The following CYTL1 variants were observed in gnomAD, a reference collection of about 807,000 sequenced individuals.
The protein encoded by CYTL1 is cytokine-like protein 1.
CYTL1 carries 17 observed loss-of-function variants against 13.1 expected under a neutral mutation model. That is an observed-to-expected ratio of 1.29 (90% CI 0.89 to 1.94). The LOEUF (loss-of-function observed/expected upper bound fraction) is 1.94. Among genes scored for constraint, CYTL1 ranks in the 30% most tolerant of loss-of-function variants. The pLI, the probability that CYTL1 is intolerant of heterozygous loss-of-function variation, is 0.00. For synonymous variants in CYTL1, 91 were observed against 79.4 expected (o/e 1.15, Z -0.78); for missense variants, 213 against 174.8 (o/e 1.22, Z -1.23).
Position 5,015,222 on chromosome 4 carries a change from G to T in CYTL1, c.340C>A (p.Leu114Met), listed in dbSNP as rs952911381. ...TCCAAGGCATTGCAGTCATCCAACA[G>T]GAATACCAAATCCTGAAAAAGATGT... Reference protein sequence around the residue: ...NSFCRRDLVFLLDDCNALEYP... With the variant: ...NSFCRRDLVFMLDDCNALEYP... The change falls in exon 4 of 4, where the codon CTG (leucine) becomes ATG (methionine). Residue 114 changes from leucine to methionine, a missense_variant. Transcript: ENST00000307746. 1.2e-6 allele frequency: 2 copies of T among 1,612,908 alleles called. No homozygotes were observed. Among genetic ancestry groups the T allele is most frequent in the African/African-American group, 2.7e-5 (2 of 74,910 alleles).
chr4:5,018,108 C>A (rs1445218643), intron 1 of CYTL1, among the ~76,000 whole-genome samples: 1 of 152,106 alleles, frequency 6.6e-6, no homozygotes. Context: ...TGAAACTGTA[C>A]AACAAAATGT....
intron 3 of CYTL1, among the ~76,000 whole-genome samples, chr4:5,016,002 G>C (rs1741064751): frequency 1.3e-5 from 2 of 152,332 alleles, no homozygotes; most frequent in South Asian, 4.1e-4. Context: ...TTATGTGTTG[G>C]AAACTTAATC....
In CYTL1 at chr4:5,019,294, G is replaced by C. The variant is rs35755546; in HGVS notation, c.152C>G (p.Ser51Trp). ...DFNLLQVSEP[S>W]EPCVRYLPRL... ...GTCCTGAGCGGGCGGGGGACTCACC[G>C]AGGGCTCCGAGACCTGCAGGAGGTT... The change falls in exon 1 of 4, where the codon TCG (serine) becomes TGG (tryptophan). Residue 51 changes from serine (S) to tryptophan (W), a missense_variant and splice_region_variant. Ser to Trp is a radical substitution (Grantham distance 177). Coordinates refer to ENST00000307746, the MANE Select transcript of CYTL1 (RefSeq NM_018659.3). 4.0e-6 allele frequency: 6 copies of C among 1,486,290 alleles called. No individual in the cohort carries two copies. The highest frequency in any genetic ancestry group is 1.5e-5 in the African/African-American group (1 of 67,850). The allele number at this position is 1,486,290 out of a possible 1,614,324, so 92.1% of individuals were successfully genotyped here.
intron 1 of CYTL1, among the ~76,000 whole-genome samples, chr4:5,018,996 C>CTTTTTTCTTTTTTTTTTTTTTTTTTT (rs1741135908): frequency 9.4e-6 from 1 of 106,688 alleles, no homozygotes; most frequent in African/African-American, 3.7e-5. Context: ...CTTTTTTTTT[C>CTTTTTTCTTTTTTTTTTTTTTTTTTT]TTTTTTCTTT....
intron 3 of CYTL1, among the ~76,000 whole-genome samples, chr4:5,016,578 C>T (rs892022538): frequency 1.3e-5 from 2 of 152,212 alleles, no homozygotes; most frequent in African/African-American, 4.8e-5. Context: ...CAGAGTCTAT[C>T]TATGTGGCTG....
chr4:5,015,129 T>C lies in CYTL1; in HGVS notation c.*22A>G. Reference sequence around the variant, plus strand: ...TGACATAACTGTAGTTCTCTTGGGTTCTTTCTCTGGTCTCAGTTCCCTTAG... The same window carrying C: ...TGACATAACTGTAGTTCTCTTGGGTCCTTTCTCTGGTCTCAGTTCCCTTAG... On this transcript the variant is annotated 3_prime_UTR_variant, in exon 4 of 4. Transcript: ENST00000307746. 1 of 1,608,524 alleles carries C rather than the reference T, an allele frequency of 6.2e-7. No homozygotes were observed. Among genetic ancestry groups the C allele is most frequent in the African/African-American group, 1.3e-5 (1 of 74,958 alleles).
chr4:5,017,624 ATATACT>A (rs1227545531), intron 1 of CYTL1, among the ~76,000 whole-genome samples: 4 of 150,192 alleles, frequency 2.7e-5, no homozygotes, highest in East Asian at 3.9e-4. Context: ...TTATATAATA[ATATACT>A]TATATAATAA....
chr4:5,017,855 G>A (rs573459895), intron 1 of CYTL1, among the ~76,000 whole-genome samples: 171 of 152,156 alleles, frequency 1.1e-3, no homozygotes, highest in African/African-American at 3.8e-3. Flanking sequence ...CCGTTTTTGC[G>A]CAGGGCTGAA....
Position 5,015,236 on chromosome 4 carries a change from T to A in CYTL1, c.328-2A>T, listed in dbSNP as rs778419855. 2 of 1,611,388 alleles carry A rather than the reference T, an allele frequency of 1.2e-6. No homozygotes were observed. The highest frequency in any genetic ancestry group is 1.3e-5 in the African/African-American group (1 of 75,024). On this transcript the variant is annotated splice_acceptor_variant, in intron 3 of 3. Transcript: ENST00000307746. LOFTEE classifies it high-confidence loss of function. ...GTCATCCAACAGGAATACCAAATCC[T>A]GAAAAAGATGTGCAATGAGCAGGAA...
At chr4:5,019,102 T>C (rs867214600) in intron 1 of CYTL1, among the ~76,000 whole-genome samples, 191 bp downstream of exon 1, 1 of 151,762 alleles carries the variant, frequency 6.6e-6, no homozygotes, top group Non-Finnish European at 1.5e-5. Flanking sequence ...TTCTTGTGTT[T>C]TGAAGAAAGC....
Position 5,017,171 on chromosome 4 carries a change from A to G in CYTL1, c.162T>C (p.Cys54=). 3 of 1,613,982 alleles carry G rather than the reference A, an allele frequency of 1.9e-6. No individual in the cohort carries two copies. Among genetic ancestry groups the G allele is most frequent in the Non-Finnish European group, 2.5e-6 (3 of 1,179,918 alleles). ...GGTACAGCCTGGGCAGGTATCTCAC[A>G]CATGGCTCCTGTGGAAAGGGATAAG... ...LLQVSEPSEP[C]VRYLPRLYLD... Residue 54 remains cysteine, a synonymous_variant, in exon 2 of 4, where the codon TGT becomes TGC. Transcript: ENST00000307746.
chr4:5,018,286 G>A (rs924504386), intron 1 of CYTL1, among the ~76,000 whole-genome samples: 30 of 152,050 alleles, frequency 2.0e-4, no homozygotes, highest in African/African-American at 6.8e-4. Context: ...ACAATGCTAC[G>A]GCAGCAGCTA....
At chr4:5,016,459 A>G (rs983259130) in intron 3 of CYTL1, among the ~76,000 whole-genome samples, 6 of 151,994 alleles carry the variant, frequency 3.9e-5, no homozygotes, top group African/African-American at 1.2e-4. Flanking sequence ...CATTTTAACT[A>G]TTGCTGATTT....
rs1741149089 is a variant in CYTL1 at position 5,019,387 on chromosome 4, G to A, written c.59C>T (p.Ala20Val). The A allele has an allele frequency of 6.7e-7, 1 of 1,497,044 alleles. No individual in the cohort carries two copies. Among genetic ancestry groups the A allele is most frequent in the Non-Finnish European group, 8.8e-7 (1 of 1,131,304 alleles). 92.7% of individuals were successfully genotyped at this position (1,497,044 alleles called of 1,614,324 possible). A position where few individuals can be genotyped will look rare whatever the true frequency, so the allele number is the denominator to read the frequency against. ...GTAGCAGGTCGGGGGAGTGGGCCGC[G>A]CGGCGGGGGCTCCCGCCAGGAGCAG... Reference protein sequence around the residue: ...LLLLLAGAPAARPTPPTCYSR... With the variant: ...LLLLLAGAPAVRPTPPTCYSR... Residue 20 changes from alanine to valine, a missense_variant, in exon 1 of 4, where the codon GCG becomes GTG. Ala to Val is a moderately conservative substitution (Grantham distance 64). Coordinates refer to ENST00000307746, the MANE Select transcript of CYTL1 (RefSeq NM_018659.3).
In CYTL1 at chr4:5,015,235, C is replaced by G; in HGVS notation, c.328-1G>C. On this transcript the variant is annotated splice_acceptor_variant, in intron 3 of 3. Transcript: ENST00000307746. LOFTEE classifies it high-confidence loss of function. ...AGTCATCCAACAGGAATACCAAATC[C>G]TGAAAAAGATGTGCAATGAGCAGGA... The G allele has an allele frequency of 6.2e-7, 1 of 1,611,698 alleles. No homozygotes were observed. The highest frequency in any genetic ancestry group is 8.5e-7 in the Non-Finnish European group (1 of 1,178,770).
chr4:5,015,078 G>C lies in CYTL1; in HGVS notation c.*73C>G. ...TAACACAAGACCTGTGAGGGTCATG[G>C]CTCTGGCCCATTAAGTCTGGGTAGC... On this transcript the variant is annotated 3_prime_UTR_variant, in exon 4 of 4. Transcript: ENST00000307746. 8.3e-7 allele frequency: 1 copy of C among 1,210,886 alleles called. No individual in the cohort carries two copies. The highest frequency in any genetic ancestry group is 1.2e-6 in the Non-Finnish European group (1 of 818,340). 75.0% of individuals were successfully genotyped at this position (1,210,886 alleles called of 1,614,324 possible).
In CYTL1 at chr4:5,014,668, A is replaced by G. The variant is rs1457078671; in HGVS notation, c.*483T>C. 1.7e-5 allele frequency: 3 copies of G among 173,732 alleles called. No homozygotes were observed. Among genetic ancestry groups the G allele is most frequent in the South Asian group, 3.1e-4 (2 of 6,538 alleles). The allele number at this position is 173,732 out of a possible 1,614,324, so 10.8% of individuals were successfully genotyped here. On this transcript the variant is annotated 3_prime_UTR_variant, in exon 4 of 4. Transcript: ENST00000307746. The stretch of plus-strand genomic sequence containing the variant: ...GTCCTGTCAGCACTACGTAAAATAT[A>G]TATCTTAAGAGCATTAATTTCTTTT...
In CYTL1 at chr4:5,015,111, A is replaced by G. The variant is rs778529679; in HGVS notation, c.*40T>C. The G allele has an allele frequency of 6.4e-7, 1 of 1,558,910 alleles. No homozygotes were observed. Among genetic ancestry groups the G allele is most frequent in the South Asian group, 1.1e-5 (1 of 89,324 alleles). On this transcript the variant is annotated 3_prime_UTR_variant, in exon 4 of 4. Coordinates refer to ENST00000307746, the MANE Select transcript of CYTL1 (RefSeq NM_018659.3). ...CCATTAAGTCTGGGTAGCTGACATAACTGTAGTTCTCTTGGGTTCTTTCTC... is the reference window on the plus strand; with the variant it reads ...CCATTAAGTCTGGGTAGCTGACATAGCTGTAGTTCTCTTGGGTTCTTTCTC...
chr4:5,017,219 G>A (rs1306356355), intron 1 of CYTL1, 40 bp from the exon 2 acceptor site: 4 of 1,599,538 alleles, frequency 2.5e-6, no homozygotes, highest in South Asian at 2.2e-5. Context: ...GCCCACAGGG[G>A]CATACCTGGT....
Sources: gnomAD v4.1 joint callset for allele counts (sites outside exome capture counted in the v4.1 genomes callset) on GRCh38, gnomAD v4.1.1 for gene constraint, MANE v1.5 for transcripts, NCBI Gene and HGNC (gene_info 2026-07-23, HGNC 2026-07-21) for gene names.